The following PPA2 variants were observed in gnomAD, a reference collection of about 807,000 sequenced individuals.
The protein encoded by PPA2 is inorganic pyrophosphatase 2.
PPA2 carries 48 observed loss-of-function variants against 49.5 expected under a neutral mutation model. That is an observed-to-expected ratio of 0.97 (90% CI 0.77 to 1.23). PPA2 has a LOEUF of 1.23. Among genes scored for constraint, PPA2 ranks in the 50% most tolerant of loss-of-function variants. The pLI, the probability that PPA2 is intolerant of heterozygous loss-of-function variation, is 0.00. For synonymous variants in PPA2, 131 were observed against 139.9 expected (o/e 0.94, Z 0.45); for missense variants, 429 against 410.1 (o/e 1.05, Z -0.40).
At chr4:105,391,344 C>CAA (rs11373169) in intron 9 of PPA2, among the ~76,000 whole-genome samples, 1,937 of 102,494 alleles carry the variant, frequency 0.019, 92 homozygotes, top group African/African-American at 0.066. Context: ...CTTAAAGTAA[C>CAA]AAAAAAAAAA....
chr4:105,405,629 A>C (rs1014839554), intron 7 of PPA2: 6 of 1,015,384 alleles, frequency 5.9e-6, no homozygotes, highest in East Asian at 9.5e-5. Context: ...TCAAGTTTCC[A>C]AAGCATTCTG....
At chr4:105,405,445 A>AT (rs1722421861) in intron 7 of PPA2, 1 of 859,450 alleles carries the variant, frequency 1.2e-6, no homozygotes, top group Non-Finnish European at 1.4e-6. Context: ...TTATAAATTT[A>AT]TTTTTTTCCA....
chr4:105,396,250 A>G lies in PPA2; in HGVS notation c.868T>C (p.Cys290Arg). The G allele has an allele frequency of 6.4e-7, 1 of 1,554,072 alleles. No homozygotes were observed. Among genetic ancestry groups the G allele is most frequent in the Non-Finnish European group, 8.7e-7 (1 of 1,144,166 alleles). ...TACATAGAAAAGACAAATTCTTACC[A>G]ATTTATAGCTCCTCCATTACACTTC... Reference protein sequence around the residue: ...MKKCNGGAINCTNVQISDSPF... With the variant: ...MKKCNGGAINRTNVQISDSPF... Residue 290 changes from cysteine (C) to arginine (R), a missense_variant and splice_region_variant, in exon 9 of 12, where the codon TGC (cysteine) becomes CGC (arginine). Physicochemically the swap from Cys to Arg is radical, Grantham distance 180 (BLOSUM62 -3). Coordinates refer to ENST00000341695, the MANE Select transcript of PPA2 (RefSeq NM_176869.3).
At chr4:105,461,912 C>T (rs1184233665) in intron 1 of PPA2, among the ~76,000 whole-genome samples, 1 of 152,200 alleles carries the variant, frequency 6.6e-6, no homozygotes, top group African/African-American at 2.4e-5. Context: ...AAGGCATCCT[C>T]TCAGCACTGT....
intron 7 of PPA2, chr4:105,399,415 A>G: frequency 3.4e-6 from 1 of 292,436 alleles, no homozygotes; most frequent in Non-Finnish European, 6.2e-6. Flanking sequence ...TGTGCTATGT[A>G]TGGGGAATAA....
At chr4:105,369,842 G>A in intron 11 of PPA2, 89 bp from the exon 12 acceptor site, 2 of 1,260,934 alleles carry the variant, frequency 1.6e-6, no homozygotes, top group Non-Finnish European at 2.3e-6. Context: ...TCGACTTTTA[G>A]GAAGTATTTA....
intron 10 of PPA2, among the ~76,000 whole-genome samples, chr4:105,372,848 A>T (rs1733081462): frequency 6.6e-6 from 1 of 152,184 alleles, no homozygotes; most frequent in African/African-American, 2.4e-5. Flanking sequence ...CTCTCTGGAG[A>T]ATCCTAATAA....
intron 4 of PPA2, among the ~76,000 whole-genome samples, chr4:105,447,144 T>C (rs1201145832): frequency 6.6e-6 from 1 of 152,076 alleles, no homozygotes; most frequent in Non-Finnish European, 1.5e-5. Context: ...AACCTAAGTG[T>C]CCATCAACAG....
rs575159430 is a variant in PPA2 at position 105,412,936 on chromosome 4, G to T, written c.655+11260C>A. Reference sequence around the variant, plus strand: ...AGAAGACAGTGTGGCGATTCCTCAAGGATCTAGAACCAGAAATACCATTTG... The same window carrying T: ...AGAAGACAGTGTGGCGATTCCTCAATGATCTAGAACCAGAAATACCATTTG... On this transcript the variant is annotated intron_variant, in intron 7 of 11. Coordinates refer to ENST00000341695, the MANE Select transcript of PPA2 (RefSeq NM_176869.3). 1.6e-4 allele frequency among the ~76,000 whole-genome samples: 24 copies of T among 152,266 alleles called. No homozygotes were observed. The South Asian group carries it at 4.2e-3, about 26-fold the overall frequency.
chr4:105,453,735 T>G, intron 2 of PPA2, 93 bp from the exon 3 acceptor site: 1 of 956,066 alleles, frequency 1.0e-6, no homozygotes, highest in Non-Finnish European at 1.6e-6. Context: ...TGTATAGACA[T>G]TCTACACAAA....
intron 10 of PPA2, among the ~76,000 whole-genome samples, chr4:105,383,431 T>C (rs1733570203): frequency 6.6e-6 from 1 of 152,218 alleles, no homozygotes; most frequent in South Asian, 2.1e-4. Flanking sequence ...TACATATTGT[T>C]GGATGACTAA....
At chr4:105,406,114 C>CAAAAAAAAAAAAAAAA (rs35468715) in intron 7 of PPA2, among the ~76,000 whole-genome samples, 2 of 97,576 alleles carry the variant, frequency 2.0e-5, no homozygotes, top group East Asian at 2.8e-4. Context: ...TATAAAACTT[C>CAAAAAAAAAAAAAAAA]AAAAAAAAAA....
At chr4:105,451,555 G>A (rs1277759398) in intron 3 of PPA2, among the ~76,000 whole-genome samples, 2 of 152,108 alleles carry the variant, frequency 1.3e-5, no homozygotes, top group Admixed American at 1.3e-4. Context: ...GTCTGAAGTA[G>A]CTGTTAAAAA....
intron 6 of PPA2, among the ~76,000 whole-genome samples, chr4:105,429,326 C>T (rs769370077): frequency 2.0e-5 from 3 of 152,074 alleles, no homozygotes; most frequent in Admixed American, 6.6e-5. Flanking sequence ...ACAAAGATGG[C>T]GTATCTTACA....
chr4:105,462,857 T>G (rs1352381222), intron 1 of PPA2, among the ~76,000 whole-genome samples: 1 of 152,214 alleles, frequency 6.6e-6, no homozygotes, highest in East Asian at 1.9e-4. Flanking sequence ...TGCCACCATA[T>G]GAGACGTGCC....
At chr4:105,464,500 ATGT>A (rs1163352154) in intron 1 of PPA2, among the ~76,000 whole-genome samples, 1 of 152,140 alleles carries the variant, frequency 6.6e-6, no homozygotes, top group East Asian at 1.9e-4. Context: ...TTGGGAAGGC[ATGT>A]TGGTTTTGAA....
intron 1 of PPA2, among the ~76,000 whole-genome samples, chr4:105,468,822 T>G (rs1057040017): frequency 9.9e-5 from 15 of 152,166 alleles, no homozygotes; most frequent in Admixed American, 2.6e-4. Flanking sequence ...TGGGAAACAT[T>G]TGTGTACTAT....
Position 105,448,945 on chromosome 4 carries a change from G to A in PPA2, c.321+405C>T, listed in dbSNP as rs200532216. 9.5e-5 allele frequency among the ~76,000 whole-genome samples: 12 copies of A among 126,348 alleles called. 3 individuals carry two copies. The highest frequency in any genetic ancestry group is 1.9e-4 in the Non-Finnish European group (12 of 63,668). The allele number at this position is 126,348 out of a possible 152,430, so 82.9% of individuals were successfully genotyped here. On this transcript the variant is annotated intron_variant, in intron 4 of 11. Coordinates refer to ENST00000341695, the MANE Select transcript of PPA2 (RefSeq NM_176869.3). ...CTCAAATTTAAAATATTGGCCGGGC[G>A]CGGTGGCTCACGCCTGTAATCCCAG...
intron 6 of PPA2, among the ~76,000 whole-genome samples, chr4:105,433,762 T>A (rs537876078): frequency 6.6e-6 from 1 of 152,242 alleles, no homozygotes; most frequent in Non-Finnish European, 1.5e-5. Flanking sequence ...GTATTTCTGA[T>A]ACATGTCCTC....
Sources: allele counts gnomAD v4.1 joint callset (sites outside exome capture counted in the v4.1 genomes callset), GRCh38; gene constraint gnomAD v4.1.1; transcripts MANE v1.5; gene names NCBI Gene and HGNC (gene_info 2026-07-23, HGNC 2026-07-21).